The following STK38L variants were observed in gnomAD, a reference collection of about 807,000 sequenced individuals.
The protein encoded by STK38L is serine/threonine kinase 38 like.
In STK38L, 28 loss-of-function variants were observed where a neutral mutation model predicts 59.7. That is an observed-to-expected ratio of 0.47 (90% confidence interval 0.35 to 0.64). The LOEUF (loss-of-function observed/expected upper bound fraction) is 0.64, where lower values mean the gene tolerates loss of function less well. Ranked by LOEUF, STK38L falls within the 30% of genes least tolerant of loss-of-function variation. The pLI is 0.01. For synonymous variants in STK38L, 162 were observed against 176.8 expected (o/e 0.92, Z 0.66); for missense variants, 314 against 555.8 (o/e 0.56, Z 4.37).
At chr12:27,298,003 A>C in intron 2 of STK38L, 149 bp downstream of exon 2, 1 of 945,798 alleles carries the variant, frequency 1.1e-6, no homozygotes, top group Non-Finnish European at 1.5e-6. Context: ...GCACATAGAC[A>C]TGTGTTTTAT....
chr12:27,293,097 A>G (rs1048041131), intron 1 of STK38L, among the ~76,000 whole-genome samples: 1 of 152,200 alleles, frequency 6.6e-6, no homozygotes, highest in African/African-American at 2.4e-5. Flanking sequence ...GGCTACAGAC[A>G]TGTGCCACCA....
At chr12:27,260,483 C>G (rs140573061) in intron 1 of STK38L, among the ~76,000 whole-genome samples, 2 of 152,110 alleles carry the variant, frequency 1.3e-5, no homozygotes, top group African/African-American at 4.8e-5. Context: ...TCCTTACTGT[C>G]TTTGCGGGGT....
chr12:27,307,782 ACTT>A (rs1333681910), intron 3 of STK38L, among the ~76,000 whole-genome samples: 6 of 152,288 alleles, frequency 3.9e-5, no homozygotes, highest in African/African-American at 1.2e-4. Flanking sequence ...TATTTTAATG[ACTT>A]CTTCTTGTAA....
intron 1 of STK38L, among the ~76,000 whole-genome samples, chr12:27,281,960 C>T (rs907998497): frequency 5.9e-5 from 9 of 152,062 alleles, no homozygotes; most frequent in East Asian, 1.9e-4. Context: ...TGCTTTAACC[C>T]GGGAGGCTGA....
At chr12:27,317,774 G>T (rs1944622204) in intron 10 of STK38L, 122 bp from the exon 11 acceptor site, 5 of 1,191,156 alleles carry the variant, frequency 4.2e-6, no homozygotes, top group Middle Eastern at 2.2e-4. Context: ...ATGAATGGTG[G>T]CATTTTTGAC....
intron 5 of STK38L, among the ~76,000 whole-genome samples, chr12:27,309,947 A>G (rs1479372954): frequency 1.3e-5 from 2 of 152,194 alleles, no homozygotes; most frequent in African/African-American, 4.8e-5. Flanking sequence ...GCCTTAATGC[A>G]GTTACAAGGG....
chr12:27,245,927 G>A (rs756830515), intron 1 of STK38L: 4 of 152,148 alleles, frequency 2.6e-5, no homozygotes, highest in East Asian at 1.9e-4. Flanking sequence ...AAAGTTGGGT[G>A]TAGTTTTTGT....
intron 1 of STK38L, among the ~76,000 whole-genome samples, chr12:27,296,051 A>T (rs1304124911): frequency 6.6e-6 from 1 of 152,246 alleles, no homozygotes. Context: ...CACACTAGCT[A>T]TGTGACTTGC....
chr12:27,247,607 G>A (rs1007089050), intron 1 of STK38L, among the ~76,000 whole-genome samples: 20 of 152,108 alleles, frequency 1.3e-4, no homozygotes, highest in Non-Finnish European at 2.5e-4. Context: ...TAAGAACTTA[G>A]AAGTGAGAAG....
chr12:27,290,412 A>G (rs1943871480), intron 1 of STK38L, among the ~76,000 whole-genome samples: 1 of 152,240 alleles, frequency 6.6e-6, no homozygotes, highest in Non-Finnish European at 1.5e-5. Flanking sequence ...CATTTTAGAA[A>G]TGTGGATCCT....
At chr12:27,294,247 A>G (rs779859136) in intron 1 of STK38L, among the ~76,000 whole-genome samples, 3 of 151,542 alleles carry the variant, frequency 2.0e-5, no homozygotes, top group Non-Finnish European at 2.9e-5. Context: ...AGGCTAGGCA[A>G]GGTGGCTTGT....
chr12:27,254,865 A>G (rs1355563426), intron 1 of STK38L, among the ~76,000 whole-genome samples: 1 of 152,210 alleles, frequency 6.6e-6, no homozygotes, highest in Non-Finnish European at 1.5e-5. Flanking sequence ...TCTTCCAGGT[A>G]CCACTTGGTA....
chr12:27,312,072 G>T (rs575944346), intron 5 of STK38L, among the ~76,000 whole-genome samples: 1 of 152,024 alleles, frequency 6.6e-6, no homozygotes, highest in African/African-American at 2.4e-5. Context: ...GTAGAGACGG[G>T]GTTTCACCGT....
intron 1 of STK38L, among the ~76,000 whole-genome samples, chr12:27,261,290 C>G (rs540397088): frequency 7.2e-5 from 11 of 152,326 alleles, no homozygotes; most frequent in Non-Finnish European, 1.3e-4. Context: ...GCCTCAGTCT[C>G]TAGAATACCA....
At chr12:27,314,768 CATT>C (rs1944544572) in intron 7 of STK38L, 110 bp downstream of exon 7, 3 of 1,247,726 alleles carry the variant, frequency 2.4e-6, no homozygotes, top group Non-Finnish European at 3.3e-6. Flanking sequence ...TGCTAAACAA[CATT>C]ATATGATAAG....
At chr12:27,292,070 G>A (rs1175867607) in intron 1 of STK38L, among the ~76,000 whole-genome samples, 1 of 152,218 alleles carries the variant, frequency 6.6e-6, no homozygotes. Context: ...GAAAACACAC[G>A]TGAACAGGAA....
intron 1 of STK38L, among the ~76,000 whole-genome samples, chr12:27,254,373 A>G (rs1943041612): frequency 6.6e-6 from 1 of 152,134 alleles, no homozygotes; most frequent in Non-Finnish European, 1.5e-5. Flanking sequence ...ATGACCCTAA[A>G]CTTCAGATGG....
chr12:27,290,283 T>C (rs1259684442), intron 1 of STK38L, among the ~76,000 whole-genome samples: 1 of 152,198 alleles, frequency 6.6e-6, no homozygotes, highest in African/African-American at 2.4e-5. Context: ...TTGCCTAAAG[T>C]GACACAGCTA....
At chr12:27,314,419 A>AAAT in intron 6 of STK38L, 85 bp from the exon 7 acceptor site, 1 of 1,165,264 alleles carries the variant, frequency 8.6e-7, no homozygotes, top group Non-Finnish European at 1.1e-6. Flanking sequence ...AAAAAAAAAA[A>AAAT]GTAAAAAAAG....
Sources: gnomAD v4.1 joint callset for allele counts (sites outside exome capture counted in the v4.1 genomes callset) on GRCh38, gnomAD v4.1.1 for gene constraint, MANE v1.5 for transcripts, NCBI Gene and HGNC (gene_info 2026-07-23, HGNC 2026-07-21) for gene names.